NRXN1: variants seen among roughly 807,000 people sequenced by gnomAD.
NRXN1 encodes the protein neurexin-1.
In NRXN1, 39 loss-of-function variants were observed where a neutral mutation model predicts 150.9. The observed-to-expected ratio is 0.26, with a 90% CI of 0.20 to 0.34. The LOEUF is 0.34. Ranked by LOEUF, NRXN1 falls within the 10% of genes least tolerant of loss-of-function variation. The pLI, the probability that NRXN1 is intolerant of heterozygous loss-of-function variation, is 1.00. For missense variants in NRXN1, 1,815 were observed against 1,949.9 expected (o/e 0.93, Z 1.30); for synonymous variants, 924 against 757.0 (o/e 1.22, Z -3.62).
At chr2:50,272,582 G>C (rs1257508891) in intron 17 of NRXN1, among the ~76,000 whole-genome samples, 1 of 152,090 alleles carries the variant, frequency 6.6e-6, no homozygotes, top group Non-Finnish European at 1.5e-5. Flanking sequence ...GTCTGAAGAA[G>C]AGATGAAGAA....
rs192196341 is a variant in NRXN1 at position 50,422,430 on chromosome 2, A to T, written c.3364+43012T>A. Among the ~76,000 whole-genome samples, 361 of 152,308 alleles carry T rather than the reference A, an allele frequency of 2.4e-3. 1 individual carries two copies. The highest frequency in any genetic ancestry group is 3.8e-3 in the Non-Finnish European group (261 of 68,012). ...AATAAATAAAAATAAAATTGTTTGC[A>T]TTAGAACTGGCATTATTAGATATAT... On this transcript the variant is annotated intron_variant, in intron 17 of 22. Transcript: ENST00000401669.
At position 50,017,484 on chromosome 2, in the gene NRXN1, T is replaced by C. The variant is rs954172522; in HGVS notation, c.4128+35787A>G. On this transcript the variant is annotated intron_variant, in intron 21 of 22. Coordinates refer to ENST00000401669, the MANE Select transcript of NRXN1 (RefSeq NM_001330078.2). ...AAGAGCTCTGTGTTTGGAAGAAGTA[T>C]GCTTTGGTAAATCACAACAATGACA... Among the ~76,000 whole-genome samples the C allele has an allele frequency of 7.9e-5, 12 of 152,220 alleles. 1 individual carries two copies. The highest frequency in any genetic ancestry group is 2.9e-4 in the African/African-American group (12 of 41,462).
chr2:50,944,596 C>T (rs1690022933), intron 2 of NRXN1, among the ~76,000 whole-genome samples: 1 of 152,050 alleles, frequency 6.6e-6, no homozygotes, highest in Non-Finnish European at 1.5e-5. Flanking sequence ...AACATATTTA[C>T]CAACAATTTT....
intron 8 of NRXN1, among the ~76,000 whole-genome samples, chr2:50,615,030 G>T (rs943790115): frequency 1.1e-4 from 17 of 152,188 alleles, no homozygotes; most frequent in Admixed American, 2.6e-4. Flanking sequence ...CACCAATAAG[G>T]TGAGGGAAAA....
At chr2:50,427,338 G>T (rs2084576342) in intron 17 of NRXN1, among the ~76,000 whole-genome samples, 1 of 150,216 alleles carries the variant, frequency 6.7e-6, no homozygotes, top group Non-Finnish European at 1.5e-5. Flanking sequence ...ACTGGTGAGG[G>T]GAAGGTATGC....
chr2:50,547,817 C>T (rs537501482), intron 9 of NRXN1, among the ~76,000 whole-genome samples: 1 of 152,224 alleles, frequency 6.6e-6, no homozygotes, highest in South Asian at 2.1e-4. Context: ...CTTGGCTTTC[C>T]ATGTCCCTGA....
At chr2:50,731,186 C>T (rs1698055261) in intron 5 of NRXN1, among the ~76,000 whole-genome samples, 1 of 152,060 alleles carries the variant, frequency 6.6e-6, no homozygotes, top group Non-Finnish European at 1.5e-5. Context: ...TCACATAATA[C>T]ATATTATTCT....
chr2:50,788,820 T>TA (rs1189212696), intron 5 of NRXN1, among the ~76,000 whole-genome samples: 1 of 152,056 alleles, frequency 6.6e-6, no homozygotes, highest in Non-Finnish European at 1.5e-5. Context: ...TGTCAAAGGG[T>TA]AAAATGGATA....
At chr2:50,860,031 T>C (rs1675889450) in intron 5 of NRXN1, among the ~76,000 whole-genome samples, 1 of 152,082 alleles carries the variant, frequency 6.6e-6, no homozygotes, top group Non-Finnish European at 1.5e-5. Context: ...TTTTAATCTT[T>C]TAAAATCTAG....
intron 17 of NRXN1, among the ~76,000 whole-genome samples, chr2:50,329,691 C>T (rs1167258614): frequency 7.7e-5 from 9 of 116,872 alleles, no homozygotes; most frequent in Non-Finnish European, 1.4e-4. Flanking sequence ...TTTTCCCCCC[C>T]GAGACGGAGT....
At chr2:50,115,646 A>G (rs939947655) in intron 18 of NRXN1, among the ~76,000 whole-genome samples, 2 of 152,040 alleles carry the variant, frequency 1.3e-5, no homozygotes, top group Admixed American at 6.6e-5. Flanking sequence ...AGTCTTGGGA[A>G]AAGAAAAAAA....
Position 50,347,649 on chromosome 2 carries a change from C to T in NRXN1, c.3365-110679G>A. 5 of 990,008 alleles carry T rather than the reference C, an allele frequency of 5.1e-6. No homozygotes were observed. Among genetic ancestry groups the T allele is most frequent in the Non-Finnish European group, 6.0e-6 (5 of 832,902 alleles). 61.3% of individuals were successfully genotyped at this position (990,008 alleles called of 1,614,324 possible). A position where few individuals can be genotyped will look rare whatever the true frequency, so the allele number is the denominator to read the frequency against. ...CGAGGGGTTCAGAGGGAAGAGTGCGCCCTTCTGAAGGAAGTGGGAATCGAA... is the reference window on the plus strand; with the variant it reads ...CGAGGGGTTCAGAGGGAAGAGTGCGTCCTTCTGAAGGAAGTGGGAATCGAA... On this transcript the variant is annotated intron_variant, in intron 17 of 22. Coordinates refer to ENST00000401669, the MANE Select transcript of NRXN1 (RefSeq NM_001330078.2). The surrounding 1 kb of genome is among the most constrained non-coding windows in gnomAD (Gnocchi z 4.9).
At chr2:50,986,672 T>C (rs1291821858) in intron 2 of NRXN1, among the ~76,000 whole-genome samples, 1 of 151,734 alleles carries the variant, frequency 6.6e-6, no homozygotes, top group Admixed American at 6.6e-5. Context: ...TGTAAAAATA[T>C]CTAGGTCTTT....
intron 17 of NRXN1, among the ~76,000 whole-genome samples, chr2:50,399,055 A>G (rs2082229610): frequency 6.6e-6 from 1 of 152,194 alleles, no homozygotes; most frequent in Admixed American, 6.5e-5. Context: ...TGGATTTTCG[A>G]AAGTAAAACT....
intron 8 of NRXN1, among the ~76,000 whole-genome samples, chr2:50,606,573 C>G (rs1387885849): frequency 1.3e-5 from 2 of 149,934 alleles, no homozygotes; most frequent in Non-Finnish European, 3.0e-5. Flanking sequence ...TACATATTTG[C>G]TAAGTGGGTA....
At chr2:50,760,970 C>G (rs945704366) in intron 5 of NRXN1, among the ~76,000 whole-genome samples, 1 of 151,916 alleles carries the variant, frequency 6.6e-6, no homozygotes, top group Non-Finnish European at 1.5e-5. Flanking sequence ...GTCTTGTTCT[C>G]TTTAACCATG....
At chr2:50,126,057 A>G (rs1704538663) in intron 18 of NRXN1, among the ~76,000 whole-genome samples, 2 of 152,152 alleles carry the variant, frequency 1.3e-5, no homozygotes, top group Admixed American at 6.6e-5. Context: ...GAAAGAAAAA[A>G]TTACAGTCTT....
chr2:50,522,042 G>A (rs1168557934), intron 12 of NRXN1, among the ~76,000 whole-genome samples: 4 of 152,128 alleles, frequency 2.6e-5, no homozygotes, highest in Admixed American at 6.6e-5. Flanking sequence ...AAGAGAGAGA[G>A]CAGAAAGGAA....
At chr2:50,318,280 C>T (rs1178702488) in intron 17 of NRXN1, among the ~76,000 whole-genome samples, 3 of 151,982 alleles carry the variant, frequency 2.0e-5, no homozygotes, top group Non-Finnish European at 1.5e-5. Flanking sequence ...GTACAATCAC[C>T]GCACTGGCAA....
Sources: gnomAD v4.1 joint callset for allele counts (sites outside exome capture counted in the v4.1 genomes callset) on GRCh38, gnomAD v4.1.1 for gene constraint, Gnocchi (gnomAD v3.1) non-coding constraint, MANE v1.5 for transcripts, NCBI Gene and HGNC (gene_info 2026-07-23, HGNC 2026-07-21) for gene names.